ARHGEF12: variants seen among roughly 807,000 people sequenced by gnomAD.
The protein encoded by ARHGEF12 is Rho guanine nucleotide exchange factor 12, also known as KMT2A/ARHGEF12 fusion protein.
A neutral mutation model predicts 211.2 loss-of-function variants in ARHGEF12; 66 were observed. The observed-to-expected ratio is 0.31, with a 90% CI of 0.26 to 0.38. The LOEUF is 0.38. Among genes scored for constraint, ARHGEF12 ranks in the 10% least tolerant of loss-of-function variants. ARHGEF12 has a pLI of 1.00. For missense variants in ARHGEF12, 1,429 were observed against 1,869.5 expected (o/e 0.76, Z 4.34); for synonymous variants, 592 against 638.4 (o/e 0.93, Z 1.09).
intron 7 of ARHGEF12, 65 bp from the exon 8 acceptor site, chr11:120,428,004 T>G: frequency 7.3e-7 from 1 of 1,364,264 alleles, no homozygotes. Context: ...AGTAAAATGG[T>G]ATAAAAAGTT....
intron 15 of ARHGEF12, among the ~76,000 whole-genome samples, chr11:120,442,794 A>G (rs1044653616): frequency 3.9e-5 from 6 of 151,956 alleles, no homozygotes; most frequent in Non-Finnish European, 8.8e-5. Flanking sequence ...GCAGGTCCCT[A>G]GTCCTTTCAC....
intron 16 of ARHGEF12, among the ~76,000 whole-genome samples, chr11:120,445,948 TC>T (rs1381296507): frequency 6.6e-6 from 1 of 151,654 alleles, no homozygotes; most frequent in African/African-American, 2.4e-5. Flanking sequence ...CCTGTAGTAC[TC>T]CCAGCACTTT....
At chr11:120,465,175 T>C in intron 27 of ARHGEF12, 62 bp from the exon 28 acceptor site, 1 of 1,597,822 alleles carries the variant, frequency 6.3e-7, no homozygotes, top group Non-Finnish European at 8.5e-7. Flanking sequence ...TCTGTCACTT[T>C]GTCTGGCTTG....
chr11:120,409,589 C>T, intron 4 of ARHGEF12, 139 bp downstream of exon 4: 2 of 819,248 alleles, frequency 2.4e-6, no homozygotes, highest in Non-Finnish European at 3.8e-6. Flanking sequence ...GCATGATCTA[C>T]TGCAGGGAAA....
chr11:120,465,981 TA>T, intron 28 of ARHGEF12, among the ~76,000 whole-genome samples: 1 of 152,338 alleles, frequency 6.6e-6, no homozygotes, highest in Non-Finnish European at 1.5e-5. Flanking sequence ...GGGAAAAACG[TA>T]ACAGCAGCCA....
intron 4 of ARHGEF12, among the ~76,000 whole-genome samples, chr11:120,414,612 A>T (rs1317980754): frequency 2.6e-5 from 4 of 152,200 alleles, no homozygotes; most frequent in Non-Finnish European, 5.9e-5. Flanking sequence ...AAGTGCAGTG[A>T]TAGAGATATG....
intron 38 of ARHGEF12, 95 bp downstream of exon 38, chr11:120,480,525 G>A (rs1365533080): frequency 1.8e-5 from 20 of 1,117,580 alleles, no homozygotes; most frequent in Non-Finnish European, 2.3e-5. Context: ...ATCCAGGTGT[G>A]TGTGTGTGTG....
At chr11:120,448,613 C>T in intron 20 of ARHGEF12, 1 of 438,210 alleles carries the variant, frequency 2.3e-6, no homozygotes, top group Non-Finnish European at 4.0e-6. Context: ...CTTATACTTT[C>T]CTTTTACTTT....
chr11:120,445,537 T>G, intron 16 of ARHGEF12, 73 bp downstream of exon 16: 5 of 1,428,008 alleles, frequency 3.5e-6, no homozygotes, highest in Non-Finnish European at 4.0e-6. Context: ...CTGTTCAGGT[T>G]TTATCTGTCA....
intron 1 of ARHGEF12, among the ~76,000 whole-genome samples, chr11:120,352,388 A>G (rs1235002063): frequency 1.3e-5 from 2 of 152,208 alleles, no homozygotes; most frequent in African/African-American, 4.8e-5. Flanking sequence ...TTAATAGTAG[A>G]TAATCAGGCC....
intron 1 of ARHGEF12, among the ~76,000 whole-genome samples, chr11:120,338,793 AT>A (rs1170374706): frequency 6.6e-6 from 1 of 152,172 alleles, no homozygotes; most frequent in African/African-American, 2.4e-5. Flanking sequence ...GAGGTGTTTA[AT>A]TTATGGAAAC....
At chr11:120,441,977 A>G (rs1945880622) in intron 14 of ARHGEF12, 127 bp from the exon 15 acceptor site, 2 of 851,746 alleles carry the variant, frequency 2.3e-6, no homozygotes, top group Non-Finnish European at 3.6e-6. Context: ...AGACTTGGTT[A>G]TATAGTAATA....
At position 120,480,343 on chromosome 11, in the gene ARHGEF12, G is replaced by C. The variant is rs760873730; in HGVS notation, c.4150G>C (p.Ala1384Pro). 1 of 1,614,190 alleles carries C rather than the reference G, an allele frequency of 6.2e-7. No homozygotes were observed. The highest frequency in any genetic ancestry group is 1.1e-5 in the South Asian group (1 of 91,072). ...TGACAGTGGAGAGCACTTTTTTGAT[G>C]CCCGTGAAGCACATAGTGATGAGAA... ...LDDSGEHFFD[A>P]REAHSDENPS... Residue 1384 changes from alanine (A) to proline (P), a missense_variant, in exon 38 of 41, where the codon GCC becomes CCC. By Grantham distance (27) the Ala-to-Pro change is conservative. Coordinates refer to ENST00000397843, the MANE Select transcript of ARHGEF12 (RefSeq NM_015313.3).
chr11:120,377,624 T>G (rs1287067288), intron 1 of ARHGEF12, among the ~76,000 whole-genome samples: 1 of 151,598 alleles, frequency 6.6e-6, no homozygotes, highest in Non-Finnish European at 1.5e-5. Flanking sequence ...CATGAGCCAC[T>G]ATGCCCAGCC....
intron 29 of ARHGEF12, among the ~76,000 whole-genome samples, chr11:120,467,913 G>T (rs998102284): frequency 6.6e-6 from 1 of 152,132 alleles, no homozygotes; most frequent in African/African-American, 2.4e-5. Context: ...TTTATGTACT[G>T]TCCCTGATTG....
At chr11:120,414,058 C>T (rs962106023) in intron 4 of ARHGEF12, among the ~76,000 whole-genome samples, 5 of 151,896 alleles carry the variant, frequency 3.3e-5, no homozygotes, top group Non-Finnish European at 5.9e-5. Context: ...AAGAAGGAAG[C>T]AGTCTTTTTA....
At chr11:120,457,421 G>T (rs953741792) in intron 23 of ARHGEF12, 171 bp downstream of exon 23, 80 of 732,312 alleles carry the variant, frequency 1.1e-4, no homozygotes, top group Non-Finnish European at 1.5e-4. Context: ...TTAAACTCAG[G>T]AGTTTGAGAC....
chr11:120,401,560 C>A (rs1225084211), intron 1 of ARHGEF12, among the ~76,000 whole-genome samples: 1 of 152,168 alleles, frequency 6.6e-6, no homozygotes, highest in East Asian at 1.9e-4. Context: ...TGATTTAAAT[C>A]CAGCCCACAG....
intron 28 of ARHGEF12, 23 bp from the exon 29 acceptor site, chr11:120,467,171 C>G: frequency 2.1e-6 from 3 of 1,422,626 alleles, no homozygotes; most frequent in Non-Finnish European, 2.0e-6. Context: ...ATTACAGATT[C>G]ACTTATTTCA....
Sources: gnomAD v4.1 joint callset for allele counts (sites outside exome capture counted in the v4.1 genomes callset) on GRCh38, gnomAD v4.1.1 for gene constraint, MANE v1.5 for transcripts, NCBI Gene and HGNC (gene_info 2026-07-23, HGNC 2026-07-21) for gene names.